Variants in TM4SF20 observed in about 807,000 individuals in gnomAD.
TM4SF20 encodes transmembrane 4 L6 family member 20.
In TM4SF20, 13 loss-of-function variants were observed where a neutral mutation model predicts 15.1. The observed-to-expected ratio is 0.86, with a 90% CI of 0.56 to 1.36. The LOEUF (loss-of-function observed/expected upper bound fraction) is 1.36. Among genes scored for constraint, TM4SF20 ranks in the 40% most tolerant of loss-of-function variants. The pLI is 0.00. For synonymous variants in TM4SF20, 92 were observed against 96.6 expected (o/e 0.95, Z 0.28); for missense variants, 282 against 268.4 (o/e 1.05, Z -0.35).
intron 1 of TM4SF20, among the ~76,000 whole-genome samples, chr2:227,376,943 T>G (rs1370160605): frequency 2.0e-5 from 3 of 152,252 alleles, no homozygotes; most frequent in Admixed American, 6.5e-5. Flanking sequence ...CAAGGTAATG[T>G]ATGAACCCAG....
Position 227,366,079 on chromosome 2 carries a change from A to G in TM4SF20, c.401+14T>C. 1 of 1,609,380 alleles carries G rather than the reference A, an allele frequency of 6.2e-7. No homozygotes were observed. The highest frequency in any genetic ancestry group is 8.5e-7 in the Non-Finnish European group (1 of 1,177,964). On this transcript the variant is annotated intron_variant, in intron 3 of 3. Transcript: ENST00000304568. ...TGTGTGAGACAGTAAGCCTGTGAAA[A>G]TCAAGTTACTTACCTGATGTTTTTC...
intron 1 of TM4SF20, among the ~76,000 whole-genome samples, chr2:227,375,490 A>G (rs1478427360): frequency 6.6e-6 from 1 of 151,922 alleles, no homozygotes; most frequent in Non-Finnish European, 1.5e-5. Context: ...AACTTTCAAC[A>G]ATTTGTTTTT....
At chr2:227,366,294 C>T (rs1692485589) in intron 2 of TM4SF20, 50 bp from the exon 3 acceptor site, 2 of 1,541,606 alleles carry the variant, frequency 1.3e-6, no homozygotes, top group Non-Finnish European at 1.8e-6. Context: ...TGTTCTTGAT[C>T]TGTTTCAAGC....
Position 227,362,211 on chromosome 2 carries a change from T to C in TM4SF20, c.*1513A>G, listed in dbSNP as rs1289915922. On this transcript the variant is annotated 3_prime_UTR_variant, in exon 4 of 4. Coordinates refer to ENST00000304568, the MANE Select transcript of TM4SF20 (RefSeq NM_024795.4). Reference sequence around the variant, plus strand: ...CATTTTAATGTGATAAATACCCTTGTTATCCTGTTTTTTAAAGATTGGCAC... The same window carrying C: ...CATTTTAATGTGATAAATACCCTTGCTATCCTGTTTTTTAAAGATTGGCAC... The C allele has an allele frequency of 1.3e-5, 2 of 152,202 alleles. No homozygotes were observed. Among genetic ancestry groups the C allele is most frequent in the Non-Finnish European group, 2.9e-5 (2 of 68,020 alleles). The allele number at this position is 152,202 out of a possible 1,614,324, so 9.4% of individuals were successfully genotyped here.
In TM4SF20 at chr2:227,370,994, C is replaced by G. The variant is rs776603641; in HGVS notation, c.184-14G>C. The G allele has an allele frequency of 6.2e-7, 1 of 1,611,432 alleles. No individual in the cohort carries two copies. The highest frequency in any genetic ancestry group is 1.1e-5 in the South Asian group (1 of 91,020). On this transcript the variant is annotated splice_polypyrimidine_tract_variant and intron_variant, in intron 1 of 3. Coordinates refer to ENST00000304568, the MANE Select transcript of TM4SF20 (RefSeq NM_024795.4). Reference sequence around the variant, plus strand: ...TGCTGGAATGGCCTGGAAATGACATCAACAGGAAAGATGAGTATTATAACT... The same window carrying G: ...TGCTGGAATGGCCTGGAAATGACATGAACAGGAAAGATGAGTATTATAACT...
intron 1 of TM4SF20, among the ~76,000 whole-genome samples, chr2:227,373,110 ACCCTTG>A (rs1289038273): frequency 6.6e-6 from 1 of 151,966 alleles, no homozygotes; most frequent in Non-Finnish European, 1.5e-5. Context: ...TGCTGCCTTC[ACCCTTG>A]CCCATCTCAT....
At chr2:227,375,489 C>T (rs1173534528) in intron 1 of TM4SF20, among the ~76,000 whole-genome samples, 1 of 151,978 alleles carries the variant, frequency 6.6e-6, no homozygotes, top group African/African-American at 2.4e-5. Flanking sequence ...TAACTTTCAA[C>T]AATTTGTTTT....
intron 1 of TM4SF20, among the ~76,000 whole-genome samples, chr2:227,372,821 C>T (rs2076427686): frequency 6.6e-6 from 1 of 152,144 alleles, no homozygotes; most frequent in African/African-American, 2.4e-5. Flanking sequence ...CCTCCCACCT[C>T]AGCCTCCCGA....
rs2076390749 is a variant in TM4SF20, at chr2:227,366,013, A to G, written c.401+80T>C. 2.2e-6 allele frequency: 3 copies of G among 1,381,790 alleles called. No homozygotes were observed. In the Admixed American group the frequency reaches 7.6e-5, roughly 35 times the overall value. 85.6% of individuals were successfully genotyped at this position (1,381,790 alleles called of 1,614,324 possible). On this transcript the variant is annotated intron_variant, in intron 3 of 3. Coordinates refer to ENST00000304568, the MANE Select transcript of TM4SF20 (RefSeq NM_024795.4). Reference sequence around the variant, plus strand: ...CAGTTGCATCAAATAAAAACATGGCATTGTTCCAGTACTGCATTAATCTAA... The same window carrying G: ...CAGTTGCATCAAATAAAAACATGGCGTTGTTCCAGTACTGCATTAATCTAA...
chr2:227,377,679 T>C (rs1286798102), intron 1 of TM4SF20, among the ~76,000 whole-genome samples: 2 of 152,164 alleles, frequency 1.3e-5, no homozygotes, highest in Non-Finnish European at 2.9e-5. Context: ...TGCAGGGACA[T>C]GGATGGAGCT....
At chr2:227,378,298 C>A (rs999191552) in intron 1 of TM4SF20, among the ~76,000 whole-genome samples, 3 of 152,184 alleles carry the variant, frequency 2.0e-5, no homozygotes, top group Non-Finnish European at 2.9e-5. Flanking sequence ...AGGTATTCTG[C>A]CATATTTGAA....
chr2:227,379,318 A>G (rs1483101308), upstream of TM4SF20: 9 of 1,514,300 alleles, frequency 5.9e-6, no homozygotes, highest in Non-Finnish European at 7.2e-6. Context: ...CTTGCATGGT[A>G]CTATGTTGCC....
intron 2 of TM4SF20, among the ~76,000 whole-genome samples, chr2:227,368,728 T>C (rs1439045024): frequency 6.6e-6 from 1 of 152,258 alleles, no homozygotes; most frequent in Admixed American, 6.5e-5. Flanking sequence ...TCCAGGCATG[T>C]GTATTTCCCC....
intron 1 of TM4SF20, among the ~76,000 whole-genome samples, chr2:227,371,763 G>A (rs935401138): frequency 2.0e-5 from 3 of 152,112 alleles, no homozygotes; most frequent in Non-Finnish European, 4.4e-5. Context: ...CCAGGATCCC[G>A]GCTATCTTGC....
chr2:227,381,539 A>ATTTATTTTTATGTATATTTATTTATTT, upstream of TM4SF20: 1 of 152,260 alleles, frequency 6.6e-6, no homozygotes, highest in East Asian at 1.9e-4. Context: ...TAATACATAA[A>ATTTATTTTTATGTATATTTATTTATTT]TTATATATTT....
chr2:227,365,482 C>T (rs901296138), intron 3 of TM4SF20, among the ~76,000 whole-genome samples: 1 of 152,156 alleles, frequency 6.6e-6, no homozygotes, highest in Non-Finnish European at 1.5e-5. Context: ...ACATGTAACT[C>T]TCCAGTATTA....
intron 1 of TM4SF20, among the ~76,000 whole-genome samples, chr2:227,377,860 G>A (rs1031050842): frequency 7.2e-5 from 11 of 151,990 alleles, no homozygotes; most frequent in Admixed American, 2.0e-4. Context: ...AGAGGATCAG[G>A]CAAAATAAAT....
At chr2:227,378,683 T>C (rs759246924) in intron 1 of TM4SF20, among the ~76,000 whole-genome samples, 2 of 152,160 alleles carry the variant, frequency 1.3e-5, no homozygotes, top group African/African-American at 4.8e-5. Flanking sequence ...TTTCTACTCA[T>C]CCCTATTAAG....
rs1447354315 is a variant in TM4SF20, at chr2:227,363,011, C to T, written c.*713G>A. 3 of 151,764 alleles carry T rather than the reference C, an allele frequency of 2.0e-5. No individual in the cohort carries two copies. Among genetic ancestry groups the T allele is most frequent in the Admixed American group, 6.6e-5 (1 of 15,256 alleles). The allele number at this position is 151,764 out of a possible 1,614,324, so 9.4% of individuals were successfully genotyped here. A position where few individuals can be genotyped will look rare whatever the true frequency, so the allele number is the denominator to read the frequency against. ...GTTGAAAATTGGGCCATTCTGTGCCCGCTGACCCACTTTTTGGATTTGTCC... is the reference window on the plus strand; with the variant it reads ...GTTGAAAATTGGGCCATTCTGTGCCTGCTGACCCACTTTTTGGATTTGTCC... On this transcript the variant is annotated 3_prime_UTR_variant, in exon 4 of 4. Coordinates refer to ENST00000304568, the MANE Select transcript of TM4SF20 (RefSeq NM_024795.4).
Sources: gnomAD v4.1 joint callset for allele counts (sites outside exome capture counted in the v4.1 genomes callset) on GRCh38, gnomAD v4.1.1 for gene constraint, MANE v1.5 for transcripts, NCBI Gene and HGNC (gene_info 2026-07-23, HGNC 2026-07-21) for gene names.